Variants in MRPS33 observed in about 807,000 individuals in gnomAD.
MRPS33 encodes mitochondrial ribosomal protein S33.
In MRPS33, 11 loss-of-function variants were observed where a neutral mutation model predicts 11.2. The ratio of observed to expected loss-of-function variants is 0.99; its 90% CI spans 0.62 to 1.63. MRPS33 has a LOEUF of 1.63. Ranked by LOEUF, MRPS33 falls within the 40% of genes most tolerant of loss-of-function variation. The pLI is 0.00. For missense variants in MRPS33, 109 were observed against 127.8 expected, an observed-to-expected ratio of 0.85 and a Z score of 0.71; for synonymous variants, 46 against 44.0, an observed-to-expected ratio of 1.05 and a Z score of -0.18.
rs908439273 is a variant in MRPS33 at position 141,010,352 on chromosome 7, A to T, written c.215+67T>A. 42 of 1,504,468 alleles carry T rather than the reference A, an allele frequency of 2.8e-5. 1 individual carries two copies. In the Middle Eastern group the frequency reaches 7.0e-4, roughly 25 times the overall value. 93.2% of individuals were successfully genotyped at this position (1,504,468 alleles called of 1,614,324 possible). ...CAAAACTACAAGGATAGAAAGGCTA[A>T]TTTTTTTCCTTTTCTGATCTACTGA... On this transcript the variant is annotated intron_variant, in intron 2 of 2. Coordinates refer to ENST00000324787, the MANE Select transcript of MRPS33 (RefSeq NM_053035.3).
chr7:141,013,645 T>C (rs1820732340), intron 1 of MRPS33, among the ~76,000 whole-genome samples: 1 of 152,230 alleles, frequency 6.6e-6, no homozygotes, highest in Non-Finnish European at 1.5e-5. Flanking sequence ...ACTTTAAGTG[T>C]TACCTTTCTT....
chr7:141,014,122 G>A (rs1032130232), intron 1 of MRPS33, among the ~76,000 whole-genome samples: 2 of 152,152 alleles, frequency 1.3e-5, no homozygotes, highest in South Asian at 2.1e-4. Context: ...TAATGGCCAC[G>A]TCGTTTTTGT....
At chr7:141,011,040 C>T (rs1273118992) in intron 1 of MRPS33, among the ~76,000 whole-genome samples, 1 of 152,232 alleles carries the variant, frequency 6.6e-6, no homozygotes, top group East Asian at 1.9e-4. Context: ...CCCACCTAAG[C>T]AATCTGCAGC....
chr7:141,010,381 A>C, intron 2 of MRPS33, 38 bp downstream of exon 2: 2 of 1,592,860 alleles, frequency 1.3e-6, no homozygotes, highest in Non-Finnish European at 1.7e-6. Flanking sequence ...CTACTGAAAA[A>C]AAGTCTCTCA....
Position 141,010,554 on chromosome 7 carries a change from T to C in MRPS33, c.80A>G (p.Asn27Ser). The change falls in exon 2 of 3, where the codon AAT becomes AGT. Residue 27 changes from asparagine (N) to serine (S), a missense_variant. Asn to Ser is a conservative substitution (Grantham distance 46, BLOSUM62 1). Coordinates refer to ENST00000324787, the MANE Select transcript of MRPS33 (RefSeq NM_053035.3). ...TTTCACCACTTTCATAGACTTGGAA[T>C]TAGTAGGCCTGGTGACTTCACCAAA... is the stretch of plus-strand genomic sequence containing the variant. ...RLFGEVTRPT[N>S]SKSMKVVKLF... The C allele has an allele frequency of 2.5e-6, 4 of 1,614,158 alleles. No individual in the cohort carries two copies. Among genetic ancestry groups the C allele is most frequent in the Non-Finnish European group, 3.4e-6 (4 of 1,180,022 alleles).
At position 141,006,298 on chromosome 7, in the gene MRPS33, A is replaced by T; in HGVS notation, c.*132T>A. The T allele has an allele frequency of 1.3e-6, 1 of 760,696 alleles. No homozygotes were observed. The highest frequency in any genetic ancestry group is 2.1e-6 in the Non-Finnish European group (1 of 465,922). 47.1% of individuals were successfully genotyped at this position (760,696 alleles called of 1,614,324 possible). ...AATGTAACCGGATTAGATTTCACCA[A>T]GGAGATGACTGTGTTCCTCCAAATA... On this transcript the variant is annotated 3_prime_UTR_variant, in exon 3 of 3. Transcript: ENST00000324787.
chr7:141,010,460 G>GTT lies in MRPS33; in HGVS notation c.173_174insAA (p.Tyr58Ter). The GTT allele has an allele frequency of 6.2e-7, 1 of 1,614,132 alleles. No homozygotes were observed. The highest frequency in any genetic ancestry group is 8.5e-7 in the Non-Finnish European group (1 of 1,179,978). ...ATCGGAGCGTCTGCATGAGTTCAGC[G>GTT]TAAGTGTGGTGATTTGGATACCAAT... ...TYDWYPNHHT[Y>*]AELMQTLRFL... Residue 58 changes from tyrosine to a stop codon, truncating the protein, a stop_gained and frameshift_variant, in exon 2 of 3, where the codon TAC becomes TAAAC. Coordinates refer to ENST00000324787, the MANE Select transcript of MRPS33 (RefSeq NM_053035.3). LOFTEE classifies it high-confidence loss of function.
intron 1 of MRPS33, among the ~76,000 whole-genome samples, chr7:141,013,966 G>A (rs1049514900): frequency 3.3e-5 from 5 of 152,200 alleles, no homozygotes; most frequent in African/African-American, 1.2e-4. Context: ...CAGTGGAAGT[G>A]TACATCTGTA....
Sources: allele counts gnomAD v4.1 joint callset (sites outside exome capture counted in the v4.1 genomes callset), GRCh38; gene constraint gnomAD v4.1.1; transcripts MANE v1.5; gene names NCBI Gene and HGNC (gene_info 2026-07-23, HGNC 2026-07-21).